EYS: variants seen among roughly 807,000 people sequenced by gnomAD.
The protein encoded by EYS is EGF-like photoreceptor maintenance factor.
EYS carries 250 observed loss-of-function variants against 282.1 expected under a neutral mutation model. That is an observed-to-expected ratio of 0.89 (90% CI 0.80 to 0.98). The LOEUF (loss-of-function observed/expected upper bound fraction) is 0.98. EYS is among the 50% of genes least tolerant of loss of function. The pLI, the probability that EYS is intolerant of heterozygous loss-of-function variation, is 0.00. For synonymous variants in EYS, 1,355 were observed against 1,282.9 expected (o/e 1.06, Z -1.20); for missense variants, 4,016 against 3,709.0 (o/e 1.08, Z -2.15).
At chr6:65,111,643 T>A (rs62407199) in intron 12 of EYS, among the ~76,000 whole-genome samples, 25,444 of 151,980 alleles carry the variant, frequency 0.17, 2,336 homozygotes, top group Middle Eastern at 0.21. Flanking sequence ...AGGTCAGGAG[T>A]TCGAGACCAG....
At position 64,252,402 on chromosome 6, in the gene EYS, T is replaced by C. The variant is rs536221448; in HGVS notation, c.6192-21578A>G. ...ACAGTCCACTGTTGACTATCACCAC[T>C]TCATGCCTAAGTGCTTGTGAAAACA... is the stretch of plus-strand genomic sequence containing the variant. On this transcript the variant is annotated intron_variant, in intron 30 of 42. Transcript: ENST00000503581. Among the ~76,000 whole-genome samples the C allele has an allele frequency of 2.0e-5, 3 of 152,256 alleles. No homozygotes were observed. The South Asian group carries it at 6.2e-4, about 32-fold the overall frequency.
chr6:65,113,197 C>T (rs140662108), intron 12 of EYS, among the ~76,000 whole-genome samples: 136 of 152,070 alleles, frequency 8.9e-4, no homozygotes, highest in African/African-American at 3.2e-3. Flanking sequence ...AGTAATACTG[C>T]TTGCAAAATA....
chr6:65,467,730 C>T (rs950081127), intron 5 of EYS, among the ~76,000 whole-genome samples: 2 of 151,686 alleles, frequency 1.3e-5, no homozygotes, highest in Non-Finnish European at 2.9e-5. Context: ...CTTAAAAATA[C>T]ATAGGTAAAA....
At chr6:65,144,268 C>A (rs1315291407) in intron 12 of EYS, among the ~76,000 whole-genome samples, 1 of 152,084 alleles carries the variant, frequency 6.6e-6, no homozygotes, top group Non-Finnish European at 1.5e-5. Context: ...AGATTCTGAT[C>A]TGAGATACAC....
At chr6:65,139,370 G>T (rs1764263106) in intron 12 of EYS, among the ~76,000 whole-genome samples, 1 of 152,040 alleles carries the variant, frequency 6.6e-6, no homozygotes, top group African/African-American at 2.4e-5. Flanking sequence ...CTTGTAAGTG[G>T]AATCTAAACA....
chr6:64,192,666 A>C (rs1765152139), intron 31 of EYS, among the ~76,000 whole-genome samples: 1 of 152,198 alleles, frequency 6.6e-6, no homozygotes, highest in Non-Finnish European at 1.5e-5. Flanking sequence ...CTTACACCTT[A>C]TACAAAAATC....
intron 10 of EYS, among the ~76,000 whole-genome samples, chr6:65,338,479 A>G (rs548356240): frequency 1.1e-4 from 17 of 151,272 alleles, no homozygotes; most frequent in South Asian, 2.1e-4. Flanking sequence ...CTATCAAAAC[A>G]TTACATCAAA....
intron 26 of EYS, among the ~76,000 whole-genome samples, chr6:64,532,068 A>G (rs1764360200): frequency 6.6e-6 from 1 of 152,192 alleles, no homozygotes; most frequent in South Asian, 2.1e-4. Flanking sequence ...CAAAGTCTAG[A>G]AACAGGCTTC....
chr6:64,536,178 A>G (rs9451935), intron 26 of EYS, among the ~76,000 whole-genome samples: 14 of 152,154 alleles, frequency 9.2e-5, no homozygotes, highest in Non-Finnish European at 1.9e-4. Flanking sequence ...TGATAAAAAA[A>G]CTATATTAAC....
chr6:64,171,469 A>C (rs1431035891), intron 31 of EYS, among the ~76,000 whole-genome samples: 2 of 152,050 alleles, frequency 1.3e-5, no homozygotes, highest in East Asian at 3.8e-4. Flanking sequence ...AATTATAGCC[A>C]TATCTATGCT....
intron 11 of EYS, among the ~76,000 whole-genome samples, chr6:65,321,553 TA>T (rs1769476642): frequency 6.6e-6 from 1 of 152,150 alleles, no homozygotes; most frequent in Non-Finnish European, 1.5e-5. Flanking sequence ...ATCTCTAATT[TA>T]AAATGTCAAC....
intron 40 of EYS, among the ~76,000 whole-genome samples, chr6:63,765,858 T>C (rs1008584562): frequency 7.2e-5 from 11 of 151,888 alleles, no homozygotes; most frequent in Admixed American, 7.2e-4. Context: ...AGTTCAACTG[T>C]TTTGATTTTT....
chr6:63,737,919 G>A (rs199939106), intron 41 of EYS, among the ~76,000 whole-genome samples: 9 of 151,366 alleles, frequency 5.9e-5, no homozygotes, highest in African/African-American at 2.0e-4. Context: ...TCAAAAAGTG[G>A]GTGAAGGACA....
intron 22 of EYS, among the ~76,000 whole-genome samples, chr6:64,671,898 A>G (rs1769475497): frequency 6.6e-6 from 1 of 152,192 alleles, no homozygotes; most frequent in Admixed American, 6.5e-5. Context: ...TGATAGAAAA[A>G]AAACAATAAT....
At chr6:65,342,727 AT>A in intron 10 of EYS, among the ~76,000 whole-genome samples, 1 of 150,662 alleles carries the variant, frequency 6.6e-6, no homozygotes. Flanking sequence ...GTTATATAAA[AT>A]GTGTAATCAT....
intron 33 of EYS, among the ~76,000 whole-genome samples, chr6:64,022,871 A>G (rs1427501327): frequency 6.6e-6 from 1 of 152,212 alleles, no homozygotes. Flanking sequence ...TTTGTTCTTT[A>G]GACATAGCAA....
chr6:64,032,607 TAA>T (rs1234404405), intron 33 of EYS, among the ~76,000 whole-genome samples: 1 of 152,168 alleles, frequency 6.6e-6, no homozygotes, highest in Non-Finnish European at 1.5e-5. Context: ...CAATCTGAAG[TAA>T]GTAGTGGGTC....
chr6:65,039,493 C>G (rs1389031812), intron 13 of EYS, among the ~76,000 whole-genome samples: 1 of 151,316 alleles, frequency 6.6e-6, no homozygotes, highest in Non-Finnish European at 1.5e-5. Flanking sequence ...TATCTTAAAA[C>G]ACATGTCAAT....
chr6:64,246,839 C>A (rs1767039180), intron 30 of EYS, among the ~76,000 whole-genome samples: 1 of 152,090 alleles, frequency 6.6e-6, no homozygotes, highest in African/African-American at 2.4e-5. Flanking sequence ...CCTTAAATCA[C>A]AAATTCATAT....
Sources: allele counts gnomAD v4.1 joint callset (sites outside exome capture counted in the v4.1 genomes callset), GRCh38; gene constraint gnomAD v4.1.1; transcripts MANE v1.5; gene names NCBI Gene and HGNC (gene_info 2026-07-23, HGNC 2026-07-21).